The following KALRN variants were observed in gnomAD, a reference collection of about 807,000 sequenced individuals.
KALRN encodes the protein kalirin RhoGEF kinase.
KALRN carries 70 observed loss-of-function variants against 353.7 expected under a neutral mutation model. The observed-to-expected ratio is 0.20, with a 90% confidence interval of 0.16 to 0.24. The LOEUF is 0.24. Ranked by LOEUF, KALRN falls within the 10% of genes least tolerant of loss-of-function variation. The pLI is 1.00. For missense variants in KALRN, 2,791 were observed against 3,756.7 expected (o/e 0.74, Z 6.72); for synonymous variants, 1,391 against 1,434.8 (o/e 0.97, Z 0.69).
chr3:124,069,881 G>A (rs1384119158), intron 1 of KALRN, among the ~76,000 whole-genome samples: 3 of 152,156 alleles, frequency 2.0e-5, no homozygotes, highest in Non-Finnish European at 4.4e-5. Context: ...GTGAGTCAGT[G>A]AGTGGGGCGG....
At chr3:124,157,592 C>T (rs984703858) in intron 1 of KALRN, among the ~76,000 whole-genome samples, 9 of 152,268 alleles carry the variant, frequency 5.9e-5, no homozygotes, top group South Asian at 2.1e-4. Context: ...AGAAGTTACA[C>T]GCAGAGGGAG....
At chr3:124,285,184 G>A (rs2075715640) in intron 5 of KALRN, among the ~76,000 whole-genome samples, 1 of 152,146 alleles carries the variant, frequency 6.6e-6, no homozygotes, top group African/African-American at 2.4e-5. Flanking sequence ...TAGTATGACT[G>A]GTTTGAACAA....
At chr3:124,279,793 A>G (rs1190729127) in intron 5 of KALRN, among the ~76,000 whole-genome samples, 2 of 152,262 alleles carry the variant, frequency 1.3e-5, no homozygotes, top group African/African-American at 2.4e-5. Context: ...AGAGGGCACC[A>G]GCAAACAAAT....
intron 26 of KALRN, 132 bp from the exon 27 acceptor site, chr3:124,477,113 A>AT: frequency 1.7e-6 from 1 of 578,288 alleles, no homozygotes; most frequent in Non-Finnish European, 3.1e-6. Context: ...AGCATAGAAC[A>AT]TTTGCCATAG....
intron 34 of KALRN, among the ~76,000 whole-genome samples, chr3:124,589,603 C>T (rs1314701299): frequency 1.3e-5 from 2 of 152,140 alleles, no homozygotes; most frequent in Admixed American, 1.3e-4. Context: ...AAAAAATAAA[C>T]AAAAATAAAA....
chr3:124,221,203 G>A (rs2077870277), intron 1 of KALRN, among the ~76,000 whole-genome samples: 1 of 152,116 alleles, frequency 6.6e-6, no homozygotes, highest in Non-Finnish European at 1.5e-5. Flanking sequence ...CAGTTTGTTT[G>A]CCCCTCCCTC....
chr3:124,143,324 G>T (rs2066870201), intron 1 of KALRN, among the ~76,000 whole-genome samples: 1 of 152,168 alleles, frequency 6.6e-6, no homozygotes, highest in African/African-American at 2.4e-5. Flanking sequence ...GAAACTGGTG[G>T]TTCAGGCAAT....
chr3:124,472,969 T>G (rs2061086011), intron 25 of KALRN, among the ~76,000 whole-genome samples: 1 of 152,204 alleles, frequency 6.6e-6, no homozygotes, highest in Non-Finnish European at 1.5e-5. Context: ...TTTAAATGGC[T>G]TTTTGCTTAT....
intron 1 of KALRN, chr3:124,164,812 T>G (rs2070558239): frequency 6.6e-6 from 1 of 152,238 alleles, no homozygotes; most frequent in Non-Finnish European, 1.5e-5. Flanking sequence ...AGTCTAGACA[T>G]TAGGACGGCT....
intron 34 of KALRN, among the ~76,000 whole-genome samples, chr3:124,620,157 G>T (rs750195804): frequency 2.6e-5 from 4 of 152,096 alleles, no homozygotes; most frequent in Non-Finnish European, 5.9e-5. Flanking sequence ...CTGGAGTGCA[G>T]TGGTGGAATC....
intron 1 of KALRN, among the ~76,000 whole-genome samples, chr3:124,137,430 G>A (rs1362365400): frequency 6.6e-6 from 1 of 152,118 alleles, no homozygotes; most frequent in Non-Finnish European, 1.5e-5. Context: ...GTGAGCAAAG[G>A]TGTAGGGTGG....
At position 124,229,146 on chromosome 3, in the gene KALRN, C is replaced by T. The variant is rs193078413; in HGVS notation, c.148+1082C>T. Among the ~76,000 whole-genome samples the T allele has an allele frequency of 7.9e-5, 12 of 152,326 alleles. No individual in the cohort carries two copies. In the East Asian group the frequency reaches 2.1e-3, roughly 27 times the overall value. Reference sequence around the variant, plus strand: ...CAGATTGTGTTGATGGCTGCCTTCTCGCTGTAACAACAGAGTTGAGTAGCT... The same window carrying T: ...CAGATTGTGTTGATGGCTGCCTTCTTGCTGTAACAACAGAGTTGAGTAGCT... On this transcript the variant is annotated intron_variant, in intron 2 of 59. Transcript: ENST00000682506.
chr3:124,416,659 G>A (rs1576745276), intron 14 of KALRN, among the ~76,000 whole-genome samples: 1 of 152,252 alleles, frequency 6.6e-6, no homozygotes, highest in East Asian at 1.9e-4. Context: ...GAAATGGAGG[G>A]TAGATTCACA....
At chr3:124,330,246 T>TCACACA (rs774251256) in intron 8 of KALRN, among the ~76,000 whole-genome samples, 11,429 of 134,084 alleles carry the variant, frequency 0.085, 632 homozygotes, top group Middle Eastern at 0.15. Context: ...TCTCTCTCTC[T>TCACACA]CACACACACA....
At chr3:124,162,044 T>C (rs1470559731) in intron 1 of KALRN, among the ~76,000 whole-genome samples, 5 of 152,204 alleles carry the variant, frequency 3.3e-5, no homozygotes, top group Non-Finnish European at 7.3e-5. Context: ...AATGTAGAAC[T>C]GCCCATGGTG....
intron 1 of KALRN, among the ~76,000 whole-genome samples, chr3:124,216,379 A>G (rs1050223938): frequency 6.6e-5 from 10 of 152,198 alleles, no homozygotes; most frequent in Admixed American, 2.0e-4. Context: ...GCCCTAGGCT[A>G]TTGGTTCTCA....
At chr3:124,573,345 G>A (rs570813863) in intron 34 of KALRN, among the ~76,000 whole-genome samples, 3 of 152,272 alleles carry the variant, frequency 2.0e-5, no homozygotes, top group African/African-American at 7.2e-5. Flanking sequence ...GTCCAGTTAT[G>A]CCCCACCAAA....
intron 33 of KALRN, among the ~76,000 whole-genome samples, chr3:124,543,284 G>A (rs1327292275): frequency 6.6e-6 from 1 of 151,538 alleles, no homozygotes; most frequent in Non-Finnish European, 1.5e-5. Context: ...GAAGGGTGAG[G>A]TATTAAAAAA....
chr3:124,035,773 G>A (rs577100214), intron 1 of KALRN, among the ~76,000 whole-genome samples: 5 of 152,356 alleles, frequency 3.3e-5, no homozygotes, highest in Admixed American at 2.6e-4. Context: ...ATAGCAGACT[G>A]GGGTCAGTCT....
Sources: allele counts gnomAD v4.1 joint callset (sites outside exome capture counted in the v4.1 genomes callset), GRCh38; gene constraint gnomAD v4.1.1; transcripts MANE v1.5; gene names NCBI Gene and HGNC (gene_info 2026-07-23, HGNC 2026-07-21).